The following FBXL3 variants were observed in gnomAD, a reference collection of about 807,000 sequenced individuals.
FBXL3 encodes the protein F-box/LRR-repeat protein 3.
Under a neutral mutation model 37.9 loss-of-function variants are expected in FBXL3, and 14 were observed. That is an observed-to-expected ratio of 0.37 (90% CI 0.24 to 0.58). FBXL3 has a LOEUF of 0.58. FBXL3 is among the 20% of genes least tolerant of loss of function. The probability of loss-of-function intolerance (pLI) is 0.74; values close to 1 mark genes in which losing one functional copy is unlikely to be tolerated. For missense variants in FBXL3, 327 were observed against 511.1 expected, an observed-to-expected ratio of 0.64 and a Z score of 3.47; for synonymous variants, 194 against 180.1, an observed-to-expected ratio of 1.08 and a Z score of -0.62.
At chr13:77,020,310 AT>A (rs1197846433) in intron 2 of FBXL3, among the ~76,000 whole-genome samples, 2 of 152,208 alleles carry the variant, frequency 1.3e-5, no homozygotes, top group African/African-American at 2.4e-5. Flanking sequence ...CTCATCTTAC[AT>A]TTTTATTTGT....
At chr13:77,012,237 T>C (rs2034567649) in intron 4 of FBXL3, among the ~76,000 whole-genome samples, 1 of 152,204 alleles carries the variant, frequency 6.6e-6, no homozygotes, top group Non-Finnish European at 1.5e-5. Flanking sequence ...TAAATGAGAA[T>C]TGTGAATTAT....
At chr13:77,025,712 A>AAAAAAAAAC (rs1423394279) in intron 1 of FBXL3, among the ~76,000 whole-genome samples, 1 of 147,964 alleles carries the variant, frequency 6.8e-6, no homozygotes, top group Non-Finnish European at 1.5e-5. Context: ...AAAAAAAAAA[A>AAAAAAAAAC]CTTTGAAAGA....
intron 4 of FBXL3, chr13:77,008,537 T>A (rs1439655553): frequency 1.3e-5 from 2 of 152,178 alleles, no homozygotes; most frequent in South Asian, 4.1e-4. Flanking sequence ...CAAAGGTCAA[T>A]GTTTGATCTC....
At chr13:77,026,639 A>G (rs1481261709) in intron 1 of FBXL3, 188 bp downstream of exon 1, 1 of 151,276 alleles carries the variant, frequency 6.6e-6, no homozygotes, top group Non-Finnish European at 1.5e-5. Context: ...AAACGCCCCC[A>G]AGCAAGCTCC....
intron 4 of FBXL3, among the ~76,000 whole-genome samples, chr13:77,008,303 T>C (rs1044420215): frequency 7.2e-5 from 11 of 152,198 alleles, no homozygotes; most frequent in Admixed American, 2.0e-4. Context: ...TCAAGTCTAA[T>C]TGCTAATAGC....
intron 3 of FBXL3, chr13:77,015,784 T>G (rs2034632430): frequency 9.2e-6 from 3 of 326,890 alleles, no homozygotes; most frequent in Non-Finnish European, 1.6e-5. Context: ...AGTCTATTTA[T>G]GTGTGGGGGA....
chr13:77,018,103 C>G (rs919420685), intron 3 of FBXL3: 1 of 151,978 alleles, frequency 6.6e-6, no homozygotes, highest in African/African-American at 2.4e-5. Flanking sequence ...TATATGTTAA[C>G]TTTTCACCCA....
At position 77,007,796 on chromosome 13, in the gene FBXL3, G is replaced by GA. The variant is rs757276072; in HGVS notation, c.644-9dup. The GA allele has an allele frequency of 9.8e-4, 1,430 of 1,456,550 alleles. No individual in the cohort carries two copies. Among genetic ancestry groups the GA allele is most frequent in the Admixed American group, 3.6e-3 (156 of 43,156 alleles). 90.2% of individuals were successfully genotyped at this position (1,456,550 alleles called of 1,614,324 possible). A position where few individuals can be genotyped will look rare whatever the true frequency, so the allele number is the denominator to read the frequency against. On this transcript the variant is annotated splice_polypyrimidine_tract_variant and intron_variant, in intron 4 of 4. Transcript: ENST00000355619. Reference sequence around the variant, plus strand: ...CAGCCACACAAAGGATACCTTGAAAGAAAAAAAAAATTATTTGCAAGTTTT... The same window carrying GA: ...CAGCCACACAAAGGATACCTTGAAAGAAAAAAAAAAATTATTTGCAAGTTTT...
chr13:77,018,217 C>G (rs1389918939), intron 3 of FBXL3: 1 of 153,660 alleles, frequency 6.5e-6, no homozygotes, highest in African/African-American at 2.4e-5. Flanking sequence ...ATTTTAGAAG[C>G]TATACCTGCT....
chr13:77,017,884 T>C (rs930886526), intron 3 of FBXL3: 1 of 152,090 alleles, frequency 6.6e-6, no homozygotes, highest in Admixed American at 6.5e-5. Flanking sequence ...AGGGTGTCTA[T>C]ATTTTAGTTT....
In FBXL3 at chr13:77,021,597, T is replaced by C; in HGVS notation, c.264A>G (p.Thr88=). ...CFEFELNQPA[T]SYLKATHPEL... is the part of the protein sequence containing the mutation. ...CTGGATGGGTAGCTTTCAAATAAGA[T>C]GTAGCTGGCTGATTCAGTTCAAATT... Residue 88 remains threonine (T), a synonymous_variant, in exon 2 of 5, where the codon ACA becomes ACG. Transcript: ENST00000355619. 1.9e-6 allele frequency: 3 copies of C among 1,614,218 alleles called. No homozygotes were observed. The highest frequency in any genetic ancestry group is 1.7e-6 in the Non-Finnish European group (2 of 1,180,030).
chr13:77,019,713 C>A (rs1293776605), intron 2 of FBXL3, among the ~76,000 whole-genome samples: 1 of 152,060 alleles, frequency 6.6e-6, no homozygotes, highest in Non-Finnish European at 1.5e-5. Flanking sequence ...GAGAACCACT[C>A]TTCTAGACTA....
rs1326400937 is a variant in FBXL3, at chr13:77,007,022, T to C, written c.*123A>G. On this transcript the variant is annotated 3_prime_UTR_variant, in exon 5 of 5. Coordinates refer to ENST00000355619, the MANE Select transcript of FBXL3 (RefSeq NM_012158.4). ...TCTTCCGATAAACAATCTTTACATA[T>C]ACTGACTGAAGATATCAAATTTCTG... 6.9e-7 allele frequency: 1 copy of C among 1,444,318 alleles called. No individual in the cohort carries two copies. Among genetic ancestry groups the C allele is most frequent in the African/African-American group, 1.4e-5 (1 of 69,778 alleles). The allele number at this position is 1,444,318 out of a possible 1,614,324, so 89.5% of individuals were successfully genotyped here.
Position 77,026,860 on chromosome 13 carries a change from C to G in FBXL3, c.-35G>C, listed in dbSNP as rs1398668904. 1 of 151,474 alleles carries G rather than the reference C, an allele frequency of 6.6e-6. No homozygotes were observed. The highest frequency in any genetic ancestry group is 1.5e-5 in the Non-Finnish European group (1 of 67,884). The allele number at this position is 151,474 out of a possible 1,614,324, so 9.4% of individuals were successfully genotyped here. A position where few individuals can be genotyped will look rare whatever the true frequency, so the allele number is the denominator to read the frequency against. On this transcript the variant is annotated 5_prime_UTR_variant, in exon 1 of 5. Transcript: ENST00000355619. ...GGGGGCGGCTTCCCCCACACACCACCCCGTGCTCCGGGGACGGCGGCGGCT... is the reference window on the plus strand; with the variant it reads ...GGGGGCGGCTTCCCCCACACACCACGCCGTGCTCCGGGGACGGCGGCGGCT...
intron 1 of FBXL3, among the ~76,000 whole-genome samples, chr13:77,022,355 G>C (rs2034760381): frequency 2.0e-5 from 3 of 152,166 alleles, no homozygotes; most frequent in Admixed American, 1.3e-4. Flanking sequence ...GTTCTGGCCT[G>C]AGGACCAGAA....
chr13:77,025,631 A>G (rs2034823113), intron 1 of FBXL3, among the ~76,000 whole-genome samples: 1 of 144,416 alleles, frequency 6.9e-6, no homozygotes, highest in African/African-American at 2.6e-5. Context: ...GAGGATCGCT[A>G]GAGCCGAGAT....
At chr13:77,013,727 T>C (rs1481168936) in intron 4 of FBXL3, 1 of 152,128 alleles carries the variant, frequency 6.6e-6, no homozygotes, top group African/African-American at 2.4e-5. Flanking sequence ...ATAACAAAAC[T>C]CTAGTCTCCC....
intron 1 of FBXL3, 94 bp downstream of exon 1, chr13:77,026,727 CCCCCCA>C (rs577781770): frequency 0.048 from 6,843 of 142,310 alleles, 279 homozygotes; most frequent in East Asian, 0.17. Flanking sequence ...CCCCGCGCCC[CCCCCCA>C]CCCCACCCCA....
intron 4 of FBXL3, chr13:77,013,781 C>G (rs1042735323): frequency 6.6e-6 from 1 of 152,166 alleles, no homozygotes; most frequent in African/African-American, 2.4e-5. Flanking sequence ...CATTGCAATT[C>G]CCATCTTGAT....
Sources: allele counts gnomAD v4.1 joint callset (sites outside exome capture counted in the v4.1 genomes callset), GRCh38; gene constraint gnomAD v4.1.1; transcripts MANE v1.5; gene names NCBI Gene and HGNC (gene_info 2026-07-23, HGNC 2026-07-21).